ADGRD1: variants seen among roughly 807,000 people sequenced by gnomAD.
ADGRD1 encodes the protein G-protein coupled receptor 133.
Under a neutral mutation model 113.4 loss-of-function variants are expected in ADGRD1, and 77 were observed. The observed-to-expected ratio is 0.68, with a 90% CI of 0.57 to 0.82. The LOEUF (loss-of-function observed/expected upper bound fraction) is 0.82. Ranked by LOEUF, ADGRD1 falls within the 40% of genes least tolerant of loss-of-function variation. The probability of loss-of-function intolerance (pLI) is 0.00; values close to 1 mark genes in which losing one functional copy is unlikely to be tolerated. For synonymous variants in ADGRD1, 474 were observed against 475.0 expected (o/e 1.00, Z 0.03); for missense variants, 1,036 against 1,139.1 (o/e 0.91, Z 1.30).
chr12:130,992,472 G>A, intron 8 of ADGRD1, 80 bp downstream of exon 8: 2 of 1,259,506 alleles, frequency 1.6e-6, no homozygotes, highest in Non-Finnish European at 2.2e-6. Context: ...GTTTGACCTA[G>A]ATCGAGTTTA....
chr12:131,076,556 C>T (rs1195612592), intron 13 of ADGRD1, among the ~76,000 whole-genome samples: 1 of 151,666 alleles, frequency 6.6e-6, no homozygotes, highest in East Asian at 1.9e-4. Flanking sequence ...GAGGAGTGTC[C>T]TAGAGGGAGG....
intron 13 of ADGRD1, among the ~76,000 whole-genome samples, chr12:131,031,729 G>C (rs1880776296): frequency 6.6e-6 from 1 of 152,130 alleles, no homozygotes; most frequent in Admixed American, 6.5e-5. Flanking sequence ...GTGCCCCCAG[G>C]GTTGGGCCTG....
At chr12:130,995,242 G>A (rs1875080745) in intron 8 of ADGRD1, among the ~76,000 whole-genome samples, 1 of 152,140 alleles carries the variant, frequency 6.6e-6, no homozygotes, top group Admixed American at 6.5e-5. Context: ...GAAAAGGCCA[G>A]GCAGGGCTGC....
At chr12:131,120,948 C>T (rs1950577599) in intron 20 of ADGRD1, 35 bp downstream of exon 20, 1 of 1,592,986 alleles carries the variant, frequency 6.3e-7, no homozygotes, top group Non-Finnish European at 8.6e-7. Context: ...CAGAGCGGGG[C>T]TGGGGAGGGG....
intron 8 of ADGRD1, among the ~76,000 whole-genome samples, chr12:130,997,872 T>C (rs1454846248): frequency 1.3e-5 from 2 of 152,178 alleles, no homozygotes; most frequent in Non-Finnish European, 2.9e-5. Context: ...GTGGAGGTTG[T>C]AGCTAGCCCA....
rs987981396 is a variant in ADGRD1, at chr12:130,965,157, C to T, written c.104-1306C>T. On this transcript the variant is annotated intron_variant, in intron 2 of 24. Coordinates refer to ENST00000261654, the MANE Select transcript of ADGRD1 (RefSeq NM_198827.5). This position sits in a 1 kb window ranked among gnomAD's most constrained non-coding sequence, Gnocchi z 4.8. ...ATAAATATTTTCTTTTTGTTGGCTGCACTTAGGAGAACTCTTCTTTTTTTG... is the reference window on the plus strand; with the variant it reads ...ATAAATATTTTCTTTTTGTTGGCTGTACTTAGGAGAACTCTTCTTTTTTTG... Among the ~76,000 whole-genome samples, 8 of 152,008 alleles carry T rather than the reference C, an allele frequency of 5.3e-5. No individual in the cohort carries two copies. Among genetic ancestry groups the T allele is most frequent in the Admixed American group, 4.6e-4 (7 of 15,256 alleles).
intron 22 of ADGRD1, among the ~76,000 whole-genome samples, chr12:131,136,650 C>T (rs556831045): frequency 1.4e-4 from 21 of 152,368 alleles, no homozygotes; most frequent in South Asian, 4.1e-4. Flanking sequence ...ACTCAAGTTG[C>T]GTCTGTGTCT....
At chr12:131,033,866 A>T (rs1881082139) in intron 13 of ADGRD1, among the ~76,000 whole-genome samples, 1 of 152,062 alleles carries the variant, frequency 6.6e-6, no homozygotes, top group Non-Finnish European at 1.5e-5. Flanking sequence ...TATCTGCAGG[A>T]TCTAGGTGTG....
chr12:131,099,656 C>T (rs753268613), intron 15 of ADGRD1, among the ~76,000 whole-genome samples: 16 of 152,128 alleles, frequency 1.1e-4, no homozygotes, highest in Non-Finnish European at 1.9e-4. Flanking sequence ...CATGGAGACT[C>T]CAGTTTATGG....
chr12:130,958,894 C>A (rs183306795), intron 2 of ADGRD1, among the ~76,000 whole-genome samples: 1 of 152,250 alleles, frequency 6.6e-6, no homozygotes, highest in Non-Finnish European at 1.5e-5. Flanking sequence ...GGTGGTGTCA[C>A]GCCCTCGCAC....
chr12:131,102,224 T>C (rs1226873464), intron 15 of ADGRD1, among the ~76,000 whole-genome samples: 5 of 152,240 alleles, frequency 3.3e-5, no homozygotes, highest in African/African-American at 1.2e-4. Flanking sequence ...GAATGTGGCC[T>C]AGAAACTGAG....
intron 13 of ADGRD1, among the ~76,000 whole-genome samples, chr12:131,046,642 AGTGCTCCCTCCCTGGTC>A (rs1882834908): frequency 8.3e-6 from 1 of 120,132 alleles, no homozygotes; most frequent in African/African-American, 3.5e-5. Context: ...CTCCCTGGTC[AGTGCTCCCTCCCTGGTC>A]AGTGTCCTCC....
chr12:131,139,513 G>A lies in ADGRD1; in HGVS notation c.*250G>A, dbSNP rs879876196. The stretch of plus-strand genomic sequence containing the variant: ...CCCGTGGGCTGAGTGACTTCCTCGG[G>A]GGATTCCCAGGACACAGTGGCCTGA... On this transcript the variant is annotated 3_prime_UTR_variant, in exon 25 of 25. Transcript: ENST00000261654. 1.7e-4 allele frequency: 81 copies of A among 474,680 alleles called. No homozygotes were observed. Among genetic ancestry groups the A allele is most frequent in the Non-Finnish European group, 2.9e-4 (76 of 258,108 alleles). The allele number at this position is 474,680 out of a possible 1,614,324, so 29.4% of individuals were successfully genotyped here.
In ADGRD1 at chr12:131,003,193, C is replaced by A; in HGVS notation, c.1035C>A (p.Ala345=). The A allele has an allele frequency of 6.2e-7, 1 of 1,613,072 alleles. No individual in the cohort carries two copies. The highest frequency in any genetic ancestry group is 8.5e-7 in the Non-Finnish European group (1 of 1,179,170). Residue 345 remains alanine, a synonymous_variant, in exon 10 of 25, where the codon GCC becomes GCA. Coordinates refer to ENST00000261654, the MANE Select transcript of ADGRD1 (RefSeq NM_198827.5). The surrounding 1 kb of genome is among the most constrained non-coding windows in gnomAD (Gnocchi z 4.8). ...PGWIALSEDS[A]VVLSLIDTID... ...TGCTTGTGTTGCTGCAGGACAGCGC[C>A]GTGGTACTGAGTCTCATCGACACTA...
chr12:131,029,293 G>A (rs1880339734), intron 13 of ADGRD1, among the ~76,000 whole-genome samples: 2 of 152,178 alleles, frequency 1.3e-5, no homozygotes, highest in South Asian at 2.1e-4. Flanking sequence ...GTGCGAATCC[G>A]TTCCCCTGAC....
intron 20 of ADGRD1, among the ~76,000 whole-genome samples, chr12:131,129,580 CTG>C (rs1167693613): frequency 2.6e-5 from 4 of 152,166 alleles, no homozygotes; most frequent in Middle Eastern, 3.2e-3. Context: ...AGGCCCCCGC[CTG>C]TGTCAGTGGG....
At position 131,003,267 on chromosome 12, in the gene ADGRD1, C is replaced by T; in HGVS notation, c.1109C>T (p.Pro370Leu). The change falls in exon 10 of 25, where the codon CCC (proline) becomes CTC (leucine). Residue 370 changes from proline (P) to leucine (L), a missense_variant. By Grantham distance (98) the Pro-to-Leu change is moderately conservative. Transcript: ENST00000261654. The surrounding 1 kb of genome is among the most constrained non-coding windows in gnomAD (Gnocchi z 4.8). ...HVSSNLHGST[P>L]QVTVEGSSAM... ...TCCTCCAACCTGCACGGCAGCACGC[C>T]CCAGGTCACCGTGGAGGGCTCCTCT... The T allele has an allele frequency of 1.9e-6, 3 of 1,613,940 alleles. No individual in the cohort carries two copies. Among genetic ancestry groups the T allele is most frequent in the Non-Finnish European group, 2.5e-6 (3 of 1,179,932 alleles).
chr12:131,103,829 C>T (rs777116033), intron 15 of ADGRD1, among the ~76,000 whole-genome samples: 3 of 152,150 alleles, frequency 2.0e-5, no homozygotes, highest in Non-Finnish European at 4.4e-5. Flanking sequence ...CTTCAGGCTT[C>T]AGCTGGGCCT....
At chr12:130,989,598 G>C (rs1474478263) in intron 6 of ADGRD1, 1 of 152,270 alleles carries the variant, frequency 6.6e-6, no homozygotes, top group Non-Finnish European at 1.5e-5. Context: ...GGCCTCGGTG[G>C]GGACATGGCC....
Sources: gnomAD v4.1 joint callset for allele counts (sites outside exome capture counted in the v4.1 genomes callset) on GRCh38, gnomAD v4.1.1 for gene constraint, Gnocchi (gnomAD v3.1) non-coding constraint, MANE v1.5 for transcripts, NCBI Gene and HGNC (gene_info 2026-07-23, HGNC 2026-07-21) for gene names.